Variants in WDR70 observed in about 807,000 individuals in gnomAD.
The protein encoded by WDR70 is WD repeat domain 70.
A neutral mutation model predicts 88.6 loss-of-function variants in WDR70; 53 were observed. The observed-to-expected ratio is 0.60, with a 90% confidence interval of 0.48 to 0.75. WDR70 has a LOEUF of 0.75. Among genes scored for constraint, WDR70 ranks in the 30% least tolerant of loss-of-function variants. The probability of loss-of-function intolerance (pLI) is 0.00; values close to 1 mark genes in which losing one functional copy is unlikely to be tolerated. For synonymous variants in WDR70, 280 were observed against 270.0 expected, an observed-to-expected ratio of 1.04 and a Z score of -0.36; for missense variants, 610 against 823.2, an observed-to-expected ratio of 0.74 and a Z score of 3.17.
At chr5:37,538,493 G>A (rs552051472) in intron 9 of WDR70, among the ~76,000 whole-genome samples, 4 of 152,282 alleles carry the variant, frequency 2.6e-5, no homozygotes, top group South Asian at 2.1e-4. Context: ...GATGCAGTTG[G>A]GGGGAGGATT....
chr5:37,557,195 T>C (rs546427005), intron 9 of WDR70, among the ~76,000 whole-genome samples: 9 of 151,000 alleles, frequency 6.0e-5, no homozygotes, highest in African/African-American at 2.2e-4. Context: ...AACAGCAAAG[T>C]TAGTGCTTGA....
intron 10 of WDR70, among the ~76,000 whole-genome samples, chr5:37,632,533 CAT>C (rs954899078): frequency 1.5e-4 from 23 of 151,878 alleles, no homozygotes; most frequent in South Asian, 6.3e-4. Context: ...TCTAGGCTAA[CAT>C]GTGTGTTTGT....
intron 10 of WDR70, among the ~76,000 whole-genome samples, chr5:37,637,213 G>A (rs1744993824): frequency 6.6e-6 from 1 of 151,896 alleles, no homozygotes; most frequent in African/African-American, 2.4e-5. Context: ...ATGATGACAG[G>A]CACCTGTAAT....
At chr5:37,599,086 C>G (rs1743787383) in intron 9 of WDR70, among the ~76,000 whole-genome samples, 1 of 152,176 alleles carries the variant, frequency 6.6e-6, no homozygotes, top group Non-Finnish European at 1.5e-5. Context: ...TCTTGAAGGA[C>G]TACATAAGCA....
chr5:37,382,603 G>C (rs904266001), intron 3 of WDR70, among the ~76,000 whole-genome samples: 1 of 151,976 alleles, frequency 6.6e-6, no homozygotes, highest in Non-Finnish European at 1.5e-5. Flanking sequence ...GTAGAGATGG[G>C]GTTTCACCAT....
chr5:37,388,559 G>A (rs1476160142), intron 3 of WDR70, among the ~76,000 whole-genome samples: 3 of 149,230 alleles, frequency 2.0e-5, no homozygotes, highest in African/African-American at 7.3e-5. Context: ...GGCCAACATG[G>A]TGAAACCCCA....
intron 9 of WDR70, among the ~76,000 whole-genome samples, chr5:37,516,868 C>G (rs1028168035): frequency 7.9e-5 from 12 of 151,128 alleles, no homozygotes; most frequent in Non-Finnish European, 1.8e-4. Context: ...ATTACAGATG[C>G]CCCACCACCA....
intron 8 of WDR70, among the ~76,000 whole-genome samples, chr5:37,514,142 G>A (rs781029552): frequency 6.6e-6 from 1 of 151,306 alleles, no homozygotes; most frequent in African/African-American, 2.4e-5. Flanking sequence ...AGTCTTCTAA[G>A]TAGCTGGAAC....
intron 5 of WDR70, among the ~76,000 whole-genome samples, chr5:37,402,806 C>T (rs956521775): frequency 4.6e-5 from 7 of 152,050 alleles, no homozygotes; most frequent in Non-Finnish European, 7.4e-5. Flanking sequence ...TCCCAGCCCC[C>T]GAACCTTCCC....
At chr5:37,695,718 C>T (rs1228718929) in intron 10 of WDR70, among the ~76,000 whole-genome samples, 2 of 152,206 alleles carry the variant, frequency 1.3e-5, no homozygotes, top group African/African-American at 2.4e-5. Flanking sequence ...GCTCATGCAA[C>T]TGCTTCAGCC....
intron 9 of WDR70, among the ~76,000 whole-genome samples, chr5:37,531,007 A>G (rs966950632): frequency 6.6e-6 from 1 of 152,126 alleles, no homozygotes; most frequent in South Asian, 2.1e-4. Context: ...ACTGTCATTC[A>G]GTTCAAAGAA....
intron 9 of WDR70, among the ~76,000 whole-genome samples, chr5:37,585,949 A>G (rs1047500631): frequency 1.3e-5 from 2 of 151,752 alleles, no homozygotes; most frequent in Non-Finnish European, 2.9e-5. Context: ...ACCTCCTCCC[A>G]CTTCTACCCC....
intron 10 of WDR70, among the ~76,000 whole-genome samples, chr5:37,639,284 G>A (rs1257470814): frequency 2.0e-5 from 3 of 152,050 alleles, no homozygotes; most frequent in Non-Finnish European, 2.9e-5. Flanking sequence ...TTCTTTCCTG[G>A]TGGATATGGA....
At chr5:37,585,119 T>G (rs1743329754) in intron 9 of WDR70, among the ~76,000 whole-genome samples, 1 of 151,510 alleles carries the variant, frequency 6.6e-6, no homozygotes, top group South Asian at 2.1e-4. Context: ...ACCTCCTAAA[T>G]AGCTGGGATT....
chr5:37,437,202 G>A (rs147436332), intron 5 of WDR70, among the ~76,000 whole-genome samples: 108 of 152,260 alleles, frequency 7.1e-4, no homozygotes, highest in African/African-American at 2.6e-3. Flanking sequence ...TCCCACTTCA[G>A]TAAATGCTTA....
rs928038477 is a variant in WDR70, at chr5:37,431,379, C to CT, written c.493-6534dup. Among the ~76,000 whole-genome samples, 55 of 151,350 alleles carry CT rather than the reference C, an allele frequency of 3.6e-4. 1 individual carries two copies. The highest frequency in any genetic ancestry group is 3.3e-3 in the South Asian group (16 of 4,780). On this transcript the variant is annotated intron_variant, in intron 5 of 17. Coordinates refer to ENST00000265107, the MANE Select transcript of WDR70 (RefSeq NM_018034.4). Reference sequence around the variant, plus strand: ...CCTTAAGATCTCTTATATAATTCCTCTTTTTTTTTCTTTTTTCCATTCCCA... The same window carrying CT: ...CCTTAAGATCTCTTATATAATTCCTCTTTTTTTTTTCTTTTTTCCATTCCCA...
At chr5:37,695,770 T>C (rs1581505369) in intron 10 of WDR70, among the ~76,000 whole-genome samples, 1 of 152,328 alleles carries the variant, frequency 6.6e-6, no homozygotes, top group Non-Finnish European at 1.5e-5. Context: ...TAAGGTCAGC[T>C]GACTAGTAAC....
intron 8 of WDR70, among the ~76,000 whole-genome samples, chr5:37,512,870 G>T (rs1002488150): frequency 4.6e-5 from 7 of 152,032 alleles, no homozygotes; most frequent in Non-Finnish European, 8.8e-5. Context: ...CTGGCATGTG[G>T]CACCGCACCC....
At chr5:37,476,696 G>T (rs1003363127) in intron 7 of WDR70, among the ~76,000 whole-genome samples, 1 of 152,046 alleles carries the variant, frequency 6.6e-6, no homozygotes, top group Non-Finnish European at 1.5e-5. Flanking sequence ...GACTACAGGT[G>T]CATGTCACCA....
Sources: allele counts gnomAD v4.1 joint callset (sites outside exome capture counted in the v4.1 genomes callset), GRCh38; gene constraint gnomAD v4.1.1; transcripts MANE v1.5; gene names NCBI Gene and HGNC (gene_info 2026-07-23, HGNC 2026-07-21).